CHMP3: variants seen among roughly 807,000 people sequenced by gnomAD.
The protein encoded by CHMP3 is charged multivesicular body protein 3, also known as 25.1 protein.
A neutral mutation model predicts 27.4 loss-of-function variants in CHMP3; 8 were observed. That is an observed-to-expected ratio of 0.29 (90% CI 0.17 to 0.53). The LOEUF is 0.53. Ranked by LOEUF, CHMP3 falls within the 20% of genes least tolerant of loss-of-function variation. The pLI is 0.96. For synonymous variants in CHMP3, 86 were observed against 85.5 expected, an observed-to-expected ratio of 1.01 and a Z score of -0.03; for missense variants, 208 against 271.5, an observed-to-expected ratio of 0.77 and a Z score of 1.64.
chr2:86,551,306 C>G (rs1676897301), intron 1 of CHMP3, among the ~76,000 whole-genome samples: 1 of 146,334 alleles, frequency 6.8e-6, no homozygotes, highest in Non-Finnish European at 1.5e-5. Context: ...GAGATGGAGT[C>G]TCTCTCTGTC....
Position 86,505,705 on chromosome 2 carries a change from C to T in CHMP3, c.*99G>A. The T allele has an allele frequency of 1.5e-6, 2 of 1,323,920 alleles. No homozygotes were observed. Among genetic ancestry groups the T allele is most frequent in the Non-Finnish European group, 1.9e-6 (2 of 1,030,736 alleles). 82.0% of individuals were successfully genotyped at this position (1,323,920 alleles called of 1,614,324 possible). On this transcript the variant is annotated 3_prime_UTR_variant, in exon 6 of 6. Coordinates refer to ENST00000263856, the MANE Select transcript of CHMP3 (RefSeq NM_016079.4). ...TGAAAAGAGACAAACAGAACCTTCT[C>T]CAAAATGGTAGTCCTCACAACAGAG...
intron 1 of CHMP3, among the ~76,000 whole-genome samples, chr2:86,558,851 T>C (rs895950175): frequency 8.0e-5 from 12 of 150,340 alleles, no homozygotes; most frequent in African/African-American, 2.8e-4. Flanking sequence ...CTCTTAAGTA[T>C]TTTCTTTCTC....
intron 5 of CHMP3, among the ~76,000 whole-genome samples, chr2:86,506,872 G>A (rs1674907877): frequency 6.6e-6 from 1 of 152,006 alleles, no homozygotes; most frequent in South Asian, 2.1e-4. Context: ...CCCTCACAAG[G>A]TGTTGGGATT....
intron 5 of CHMP3, 45 bp from the exon 6 acceptor site, chr2:86,505,994 G>A: frequency 6.8e-7 from 1 of 1,474,326 alleles, no homozygotes; most frequent in Non-Finnish European, 9.1e-7. Flanking sequence ...GCTTAAGGAA[G>A]CAGCCCCTCA....
intron 4 of CHMP3, 117 bp downstream of exon 4, chr2:86,510,241 A>G (rs1286216728): frequency 2.8e-6 from 4 of 1,452,068 alleles, no homozygotes; most frequent in African/African-American, 2.9e-5. Context: ...CTTAAAATTA[A>G]TTCTGTCTAG....
intron 1 of CHMP3, among the ~76,000 whole-genome samples, chr2:86,558,124 CTAAG>C (rs1446034141): frequency 6.6e-6 from 1 of 152,136 alleles, no homozygotes; most frequent in Non-Finnish European, 1.5e-5. Context: ...AGTGAAGTCC[CTAAG>C]TAAGACAGAA....
chr2:86,561,145 CT>C (rs1573315518), intron 1 of CHMP3, among the ~76,000 whole-genome samples: 2 of 152,160 alleles, frequency 1.3e-5, no homozygotes, highest in East Asian at 3.9e-4. Flanking sequence ...CTTATTTCAC[CT>C]TTATAATCCC....
intron 1 of CHMP3, among the ~76,000 whole-genome samples, chr2:86,548,840 G>C (rs1676729210): frequency 6.7e-6 from 1 of 148,512 alleles, no homozygotes; most frequent in Non-Finnish European, 1.5e-5. Flanking sequence ...TCACTTCCCA[G>C]ATGGGGTGGT....
intron 2 of CHMP3, among the ~76,000 whole-genome samples, chr2:86,532,349 T>G (rs1255957416): frequency 6.6e-6 from 1 of 152,166 alleles, no homozygotes; most frequent in Non-Finnish European, 1.5e-5. Context: ...TTGAAAAATC[T>G]TTAGGGTATT....
At chr2:86,507,868 A>AGGGGC (rs1204391922) in intron 4 of CHMP3, among the ~76,000 whole-genome samples, 4 of 152,230 alleles carry the variant, frequency 2.6e-5, no homozygotes, top group African/African-American at 7.2e-5. Context: ...CAGACTTAAT[A>AGGGGC]TAATGGCAGC....
At chr2:86,558,801 G>A (rs1435857893) in intron 1 of CHMP3, among the ~76,000 whole-genome samples, 1 of 149,712 alleles carries the variant, frequency 6.7e-6, no homozygotes, top group Non-Finnish European at 1.5e-5. Flanking sequence ...TTCCATTTCT[G>A]CCAACATTTT....
chr2:86,516,886 T>C (rs1675328393), intron 3 of CHMP3, among the ~76,000 whole-genome samples: 1 of 152,198 alleles, frequency 6.6e-6, no homozygotes, highest in Non-Finnish European at 1.5e-5. Flanking sequence ...GGAAAGTACG[T>C]GTGGCTATAC....
intron 2 of CHMP3, among the ~76,000 whole-genome samples, chr2:86,536,820 A>T (rs189823290): frequency 6.6e-6 from 1 of 152,098 alleles, no homozygotes; most frequent in Non-Finnish European, 1.5e-5. Flanking sequence ...CTCTTCTCCT[A>T]AAGTTTCCAC....
At chr2:86,561,069 G>A (rs1239233145) in intron 1 of CHMP3, among the ~76,000 whole-genome samples, 1 of 152,160 alleles carries the variant, frequency 6.6e-6, no homozygotes, top group East Asian at 1.9e-4. Flanking sequence ...AACCATATCA[G>A]GTGCCCTATC....
chr2:86,556,717 T>C (rs1677136260), intron 1 of CHMP3, among the ~76,000 whole-genome samples: 1 of 152,152 alleles, frequency 6.6e-6, no homozygotes, highest in South Asian at 2.1e-4. Flanking sequence ...CTCAAAGCCT[T>C]TGTCATTACA....
At chr2:86,507,700 C>T (rs1674939945) in intron 4 of CHMP3, 107 bp from the exon 5 acceptor site, 3 of 869,782 alleles carry the variant, frequency 3.4e-6, no homozygotes, top group African/African-American at 3.3e-5. Context: ...TCTATCCTTT[C>T]AAGAGCTGAC....
At chr2:86,527,767 C>T (rs13408041) in intron 3 of CHMP3, among the ~76,000 whole-genome samples, 59,287 of 151,802 alleles carry the variant, frequency 0.39, 13,545 homozygotes, top group East Asian at 0.75. Context: ...TTGAGACCAG[C>T]CTGGGTAACA....
rs545034265 is a variant in CHMP3, at chr2:86,538,327, C to T, written c.106+3925G>A. Among the ~76,000 whole-genome samples the T allele has an allele frequency of 2.8e-4, 42 of 152,204 alleles. No individual in the cohort carries two copies. The South Asian group carries it at 8.7e-3, about 32-fold the overall frequency. Reference sequence around the variant, plus strand: ...CAGAGTTTCAGTATGGATGAGGAAACAGATCTGGAGATGGATAGTGGTGAT... The same window carrying T: ...CAGAGTTTCAGTATGGATGAGGAAATAGATCTGGAGATGGATAGTGGTGAT... On this transcript the variant is annotated intron_variant, in intron 2 of 5. Coordinates refer to ENST00000263856, the MANE Select transcript of CHMP3 (RefSeq NM_016079.4).
chr2:86,527,141 G>C (rs75521233), intron 3 of CHMP3: 1 of 151,608 alleles, frequency 6.6e-6, no homozygotes, highest in African/African-American at 2.4e-5. Flanking sequence ...CAGGTGCAGC[G>C]GCTCACAACT....
Sources: allele counts gnomAD v4.1 joint callset (sites outside exome capture counted in the v4.1 genomes callset), GRCh38; gene constraint gnomAD v4.1.1; transcripts MANE v1.5; gene names NCBI Gene and HGNC (gene_info 2026-07-23, HGNC 2026-07-21).